The following VSTM4 variants were observed in gnomAD, a reference collection of about 807,000 sequenced individuals.
VSTM4 encodes the protein V-set and transmembrane domain-containing protein 4.
A neutral mutation model predicts 36.4 loss-of-function variants in VSTM4; 20 were observed. The ratio of observed to expected loss-of-function variants is 0.55; its 90% CI spans 0.39 to 0.80. The LOEUF (loss-of-function observed/expected upper bound fraction) is 0.80. VSTM4 is among the 30% of genes least tolerant of loss of function. The probability of loss-of-function intolerance (pLI) is 0.00; values close to 1 mark genes in which losing one functional copy is unlikely to be tolerated. For missense variants in VSTM4, 392 were observed against 404.5 expected (o/e 0.97, Z 0.26); for synonymous variants, 182 against 173.9 (o/e 1.05, Z -0.37).
chr10:49,103,749 C>A, intron 2 of VSTM4: 1 of 1,613,556 alleles, frequency 6.2e-7, no homozygotes, highest in Non-Finnish European at 8.5e-7. Flanking sequence ...ACATCAAGAA[C>A]TCTGCAGGAA....
chr10:49,074,619 G>C (rs1844141093), intron 4 of VSTM4, among the ~76,000 whole-genome samples: 1 of 152,308 alleles, frequency 6.6e-6, no homozygotes, highest in East Asian at 1.9e-4. Context: ...TGAGTTGAAA[G>C]ATGCCTGGCT....
At chr10:49,048,679 G>T in intron 5 of VSTM4, 95 bp from the exon 6 acceptor site, 1 of 997,880 alleles carries the variant, frequency 1.0e-6, no homozygotes, top group South Asian at 1.5e-5. Context: ...AATAGTTTCT[G>T]AGTGCTCCCT....
intron 4 of VSTM4, among the ~76,000 whole-genome samples, chr10:49,065,630 G>T (rs567593251): frequency 4.9e-4 from 75 of 152,298 alleles, no homozygotes; most frequent in Middle Eastern, 3.4e-3. Flanking sequence ...GACACCAGCT[G>T]TCCCAGCCAA....
intron 3 of VSTM4, among the ~76,000 whole-genome samples, chr10:49,083,466 T>G (rs563340606): frequency 6.6e-6 from 1 of 152,208 alleles, no homozygotes; most frequent in South Asian, 2.1e-4. Flanking sequence ...ACCTCTAACC[T>G]CGCCAAAGCT....
chr10:49,014,673 C>T lies in VSTM4; in HGVS notation c.*4977G>A, dbSNP rs1355934499. ...CAGTAATCAATTAATTCAGAATGAG[C>T]AAAGGCTTAACCTCTATTCTCCCTG... is the stretch of plus-strand genomic sequence containing the variant. On this transcript the variant is annotated 3_prime_UTR_variant, in exon 8 of 8. Transcript: ENST00000332853. 1 of 152,154 alleles carries T rather than the reference C, an allele frequency of 6.6e-6. No homozygotes were observed. Among genetic ancestry groups the T allele is most frequent in the Admixed American group, 6.5e-5 (1 of 15,282 alleles). The allele number at this position is 152,154 out of a possible 1,614,324, so 9.4% of individuals were successfully genotyped here. A position where few individuals can be genotyped will look rare whatever the true frequency, so the allele number is the denominator to read the frequency against.
chr10:49,100,791 G>A (rs1289196794), intron 2 of VSTM4, among the ~76,000 whole-genome samples: 1 of 136,366 alleles, frequency 7.3e-6, no homozygotes, highest in Non-Finnish European at 1.5e-5. Flanking sequence ...TATAAGAATA[G>A]CTAAGAATTT....
At position 49,085,972 on chromosome 10, in the gene VSTM4, G is replaced by A. The variant is rs1359861854; in HGVS notation, c.509C>T (p.Thr170Ile). 1 of 1,591,280 alleles carries A rather than the reference G, an allele frequency of 6.3e-7. No homozygotes were observed. The highest frequency in any genetic ancestry group is 8.5e-7 in the Non-Finnish European group (1 of 1,170,870). Residue 170 changes from threonine to isoleucine, a missense_variant, in exon 3 of 8, where the codon ACT (threonine) becomes ATT (isoleucine). Thr to Ile is a moderately conservative substitution (Grantham distance 89). Transcript: ENST00000332853. ...AGCTTTACCTTCAAAAAATGCCCAA[G>A]TCTCTTTTGTTTTCTCAAAGGATGA... ...EESSFEKTKETWAFFEDLYVY... is the reference protein window; with the variant it reads ...EESSFEKTKEIWAFFEDLYVY...
chr10:49,103,568 G>T lies in VSTM4; in HGVS notation c.457+4026C>A, dbSNP rs911022545. ...ATATGGAAATCAGGACAGATAATAA[G>T]AGCCAACACTCCTATGGCTCTTCTC... is the stretch of plus-strand genomic sequence containing the variant. On this transcript the variant is annotated intron_variant, in intron 2 of 7. Coordinates refer to ENST00000332853, the MANE Select transcript of VSTM4 (RefSeq NM_001031746.5). 6.5e-6 allele frequency: 9 copies of T among 1,385,802 alleles called. No homozygotes were observed. The African/African-American group carries it at 1.0e-4, about 16-fold the overall frequency. 85.8% of individuals were successfully genotyped at this position (1,385,802 alleles called of 1,614,324 possible). A position where few individuals can be genotyped will look rare whatever the true frequency, so the allele number is the denominator to read the frequency against.
At chr10:49,038,965 C>G (rs12780892) in intron 7 of VSTM4, among the ~76,000 whole-genome samples, 26,283 of 152,016 alleles carry the variant, frequency 0.17, 2,610 homozygotes, top group Non-Finnish European at 0.22. Flanking sequence ...ACCAGAGGGC[C>G]CAGGCCTCTC....
intron 1 of VSTM4, among the ~76,000 whole-genome samples, chr10:49,113,694 G>T (rs1226896186): frequency 6.6e-6 from 1 of 152,114 alleles, no homozygotes; most frequent in Non-Finnish European, 1.5e-5. Flanking sequence ...TGACCACTAG[G>T]GTCCTGGTCA....
chr10:49,093,742 CT>C (rs35299738), intron 2 of VSTM4, among the ~76,000 whole-genome samples: 2,790 of 103,654 alleles, frequency 0.027, 34 homozygotes, highest in African/African-American at 0.084. Flanking sequence ...CATAGTTACT[CT>C]TTTTTTTTTT....
intron 7 of VSTM4, among the ~76,000 whole-genome samples, chr10:49,045,342 CA>C (rs1242938125): frequency 1.3e-5 from 2 of 151,710 alleles, no homozygotes; most frequent in Admixed American, 1.3e-4. Context: ...AATTAGTGAA[CA>C]ATAAACAAAT....
chr10:49,093,253 A>C (rs1844510657), intron 2 of VSTM4, among the ~76,000 whole-genome samples: 2 of 152,066 alleles, frequency 1.3e-5, no homozygotes. Context: ...ACCCCTGGAC[A>C]CTGCCGTGGG....
chr10:49,078,358 T>G (rs1379825074), intron 3 of VSTM4, among the ~76,000 whole-genome samples: 1 of 152,230 alleles, frequency 6.6e-6, no homozygotes, highest in Non-Finnish European at 1.5e-5. Flanking sequence ...AAACTGTACA[T>G]GTATGTTGGG....
At chr10:49,071,121 T>C (rs1157461491) in intron 4 of VSTM4, among the ~76,000 whole-genome samples, 1 of 152,208 alleles carries the variant, frequency 6.6e-6, no homozygotes, top group African/African-American at 2.4e-5. Context: ...TTTCCAGTTC[T>C]AGCACAATCT....
chr10:49,071,694 A>G (rs978554652), intron 4 of VSTM4, among the ~76,000 whole-genome samples: 1 of 152,224 alleles, frequency 6.6e-6, no homozygotes, highest in Non-Finnish European at 1.5e-5. Flanking sequence ...GAGTGGGACC[A>G]GCTACTCTGA....
intron 7 of VSTM4, among the ~76,000 whole-genome samples, chr10:49,039,553 C>T (rs1465151511): frequency 6.6e-6 from 1 of 152,074 alleles, no homozygotes; most frequent in Non-Finnish European, 1.5e-5. Context: ...TCACAGAGAT[C>T]ATTTTCTCCC....
At chr10:49,027,959 T>C (rs1843288628) in intron 7 of VSTM4, among the ~76,000 whole-genome samples, 1 of 152,232 alleles carries the variant, frequency 6.6e-6, no homozygotes, top group Non-Finnish European at 1.5e-5. Flanking sequence ...GTGGGTTTGC[T>C]AGGCCACATG....
At chr10:49,053,181 G>C (rs563518008) in intron 5 of VSTM4, among the ~76,000 whole-genome samples, 22 of 152,324 alleles carry the variant, frequency 1.4e-4, no homozygotes, top group African/African-American at 5.1e-4. Flanking sequence ...CTAAATTAGA[G>C]AGCTGTTTGA....
Sources: allele counts gnomAD v4.1 joint callset (sites outside exome capture counted in the v4.1 genomes callset), GRCh38; gene constraint gnomAD v4.1.1; transcripts MANE v1.5; gene names NCBI Gene and HGNC (gene_info 2026-07-23, HGNC 2026-07-21).